Variants in DYSF observed in about 807,000 individuals in gnomAD.
DYSF encodes dysferlin.
DYSF carries 212 observed loss-of-function variants against 274.9 expected under a neutral mutation model. The observed-to-expected ratio is 0.77, with a 90% CI of 0.69 to 0.86. The LOEUF (loss-of-function observed/expected upper bound fraction) is 0.86, where lower values mean the gene tolerates loss of function less well. Among genes scored for constraint, DYSF ranks in the 40% least tolerant of loss-of-function variants. The probability of loss-of-function intolerance (pLI) is 0.00; values close to 1 mark genes in which losing one functional copy is unlikely to be tolerated. For synonymous variants in DYSF, 1,091 were observed against 1,078.7 expected (o/e 1.01, Z -0.22); for missense variants, 2,666 against 2,783.2 (o/e 0.96, Z 0.95).
intron 32 of DYSF, among the ~76,000 whole-genome samples, chr2:71,590,931 C>A (rs893155501): frequency 3.3e-5 from 5 of 152,192 alleles, no homozygotes; most frequent in Admixed American, 2.6e-4. Context: ...CTAGGTCATT[C>A]TGGTTATCTT....
intron 24 of DYSF, 42 bp downstream of exon 24, chr2:71,564,255 A>G: frequency 6.2e-7 from 1 of 1,612,394 alleles, no homozygotes; most frequent in Non-Finnish European, 8.5e-7. Context: ...TATTTTTCCC[A>G]ACATAAGGCC....
chr2:71,613,794 A>G (rs1222402462), intron 40 of DYSF, among the ~76,000 whole-genome samples: 1 of 152,068 alleles, frequency 6.6e-6, no homozygotes, highest in Non-Finnish European at 1.5e-5. Flanking sequence ...CCATCTCCCT[A>G]TCTGGGACAG....
intron 1 of DYSF, among the ~76,000 whole-genome samples, chr2:71,455,583 A>G (rs554694398): frequency 1.3e-5 from 2 of 152,298 alleles, no homozygotes; most frequent in African/African-American, 4.8e-5. Flanking sequence ...GGCCCTGTTC[A>G]GCAGCCTGGC....
intron 1 of DYSF, among the ~76,000 whole-genome samples, chr2:71,478,572 C>G (rs959834367): frequency 1.3e-5 from 2 of 152,018 alleles, no homozygotes; most frequent in African/African-American, 4.8e-5. Flanking sequence ...AACTGCTGCC[C>G]CAAAGAATCA....
chr2:71,615,721 G>C lies in DYSF; in HGVS notation c.4464+2311G>C, dbSNP rs992894700. ...CGGGTGCAGTTCCAGTGGTTTGCTA[G>C]ATAACTATGGCTGGGCTTTCTTCCT... On this transcript the variant is annotated intron_variant, in intron 40 of 55. Transcript: ENST00000410020. The surrounding 1 kb of genome is among the most constrained non-coding windows in gnomAD (Gnocchi z 4.9). Among the ~76,000 whole-genome samples, 3 of 152,182 alleles carry C rather than the reference G, an allele frequency of 2.0e-5. No individual in the cohort carries two copies. The highest frequency in any genetic ancestry group is 4.4e-5 in the Non-Finnish European group (3 of 68,036).
chr2:71,503,469 C>T, intron 4 of DYSF, 150 bp downstream of exon 4: 1 of 817,740 alleles, frequency 1.2e-6, no homozygotes, highest in Non-Finnish European at 2.0e-6. Context: ...TTTGCAGTGT[C>T]TGGAGGGGCA....
chr2:71,581,005 G>C (rs1206983190), intron 30 of DYSF, among the ~76,000 whole-genome samples: 1 of 152,214 alleles, frequency 6.6e-6, no homozygotes, highest in African/African-American at 2.4e-5. Flanking sequence ...GTCATTGCTA[G>C]AGTGACCATA....
At chr2:71,553,757 A>ACCCCCCCCCC in intron 20 of DYSF, 50 bp from the exon 21 acceptor site, 1 of 461,882 alleles carries the variant, frequency 2.2e-6, no homozygotes, top group Non-Finnish European at 3.4e-6. Context: ...ACCCCATCCC[A>ACCCCCCCCCC]CCCGCCCTCC....
intron 3 of DYSF, among the ~76,000 whole-genome samples, chr2:71,501,311 G>T (rs908768074): frequency 3.3e-5 from 5 of 152,164 alleles, no homozygotes; most frequent in Admixed American, 3.3e-4. Context: ...GCAAGGGCAC[G>T]AGCAAGGCGG....
At chr2:71,503,750 G>A (rs1346562831) in intron 4 of DYSF, among the ~76,000 whole-genome samples, 3 of 152,082 alleles carry the variant, frequency 2.0e-5, no homozygotes, top group Admixed American at 6.5e-5. Flanking sequence ...GAGGGAAAGA[G>A]CCCTCTCCCC....
chr2:71,460,832 C>T (rs2081251856), intron 1 of DYSF, among the ~76,000 whole-genome samples: 1 of 151,556 alleles, frequency 6.6e-6, no homozygotes, highest in African/African-American at 2.4e-5. Flanking sequence ...TTAGTTATAC[C>T]CCCTACAGAT....
At chr2:71,677,720 G>A (rs1271079454) in intron 52 of DYSF, among the ~76,000 whole-genome samples, 1 of 152,144 alleles carries the variant, frequency 6.6e-6, no homozygotes, top group African/African-American at 2.4e-5. Context: ...GAAATTGCTG[G>A]TGTGCTGGGA....
intron 1 of DYSF, among the ~76,000 whole-genome samples, chr2:71,472,553 T>C (rs558796893): frequency 3.0e-4 from 45 of 152,250 alleles, no homozygotes; most frequent in South Asian, 2.3e-3. Context: ...ACTACAGGCG[T>C]CCACCACCAC....
At chr2:71,634,865 A>G (rs1320842663) in intron 41 of DYSF, among the ~76,000 whole-genome samples, 1 of 152,160 alleles carries the variant, frequency 6.6e-6, no homozygotes, top group Non-Finnish European at 1.5e-5. Context: ...GCCATACTGC[A>G]TCTTCTCATT....
chr2:71,667,248 G>A (rs1339621456), intron 47 of DYSF, 128 bp from the exon 48 acceptor site: 2 of 1,328,022 alleles, frequency 1.5e-6, no homozygotes, highest in Non-Finnish European at 2.2e-6. Flanking sequence ...TCTGTGCTGG[G>A]GGTGAGGCTG....
intron 51 of DYSF, among the ~76,000 whole-genome samples, chr2:71,673,721 G>C (rs1441311332): frequency 1.3e-5 from 2 of 152,162 alleles, no homozygotes; most frequent in African/African-American, 2.4e-5. Context: ...CCACTTCCTA[G>C]CTATGTGGTC....
chr2:71,479,975 G>T (rs2082750305), intron 1 of DYSF, among the ~76,000 whole-genome samples: 1 of 152,090 alleles, frequency 6.6e-6, no homozygotes, highest in Non-Finnish European at 1.5e-5. Context: ...TTGGTTTTAG[G>T]TTGCAATATT....
intron 14 of DYSF, among the ~76,000 whole-genome samples, chr2:71,530,082 C>T (rs2088495173): frequency 6.6e-6 from 1 of 152,194 alleles, no homozygotes; most frequent in South Asian, 2.1e-4. Flanking sequence ...TAAATGCTTA[C>T]TGCAGATCCT....
chr2:71,492,101 A>G (rs2083904940), intron 3 of DYSF, among the ~76,000 whole-genome samples: 1 of 152,120 alleles, frequency 6.6e-6, no homozygotes, highest in Admixed American at 6.6e-5. Flanking sequence ...TTTTATGACT[A>G]TATTTTGCCC....
Sources: gnomAD v4.1 joint callset for allele counts (sites outside exome capture counted in the v4.1 genomes callset) on GRCh38, gnomAD v4.1.1 for gene constraint, Gnocchi (gnomAD v3.1) non-coding constraint, MANE v1.5 for transcripts, NCBI Gene and HGNC (gene_info 2026-07-23, HGNC 2026-07-21) for gene names.